DFFB: variants seen among roughly 807,000 people sequenced by gnomAD.
DFFB encodes DNA fragmentation factor subunit beta.
Under a neutral mutation model 32.7 loss-of-function variants are expected in DFFB, and 29 were observed. The ratio of observed to expected loss-of-function variants is 0.89; its 90% CI spans 0.66 to 1.21. DFFB has a LOEUF of 1.21. Among genes scored for constraint, DFFB ranks in the 50% most tolerant of loss-of-function variants. DFFB has a pLI of 0.00. For synonymous variants in DFFB, 170 were observed against 177.1 expected, an observed-to-expected ratio of 0.96 and a Z score of 0.32; for missense variants, 398 against 440.6, an observed-to-expected ratio of 0.90 and a Z score of 0.87.
intron 5 of DFFB, among the ~76,000 whole-genome samples, chr1:3,872,071 GGTGGGGCTGCAC>G (rs1014944668): frequency 1.3e-5 from 2 of 152,190 alleles, no homozygotes; most frequent in Non-Finnish European, 2.9e-5. Flanking sequence ...ATGAGCTCTG[GGTGGGGCTGCAC>G]GTCCAAAGCA....
chr1:3,879,614 C>A (rs1398081093), intron 6 of DFFB, among the ~76,000 whole-genome samples: 1 of 152,176 alleles, frequency 6.6e-6, no homozygotes, highest in African/African-American at 2.4e-5. Context: ...CCCTTACTAG[C>A]ACCCGGCGTG....
Position 3,869,654 on chromosome 1 carries a change from T to G in DFFB, c.560T>G (p.Leu187Arg). 1 of 1,613,548 alleles carries G rather than the reference T, an allele frequency of 6.2e-7. No individual in the cohort carries two copies. The change falls in exon 5 of 7, where the codon CTG becomes CGG. Residue 187 changes from leucine (L) to arginine (R), a missense_variant. Physicochemically the swap from Leu to Arg is moderately radical, Grantham distance 102 (BLOSUM62 -2). Coordinates refer to ENST00000378209, the MANE Select transcript of DFFB (RefSeq NM_004402.4). Reference sequence around the variant, plus strand: ...GGTGCGGAGGCTCAGGAGGAATTCCTGCGGGTCCTCGGCTCCATGTGCCAG... The same window carrying G: ...GGTGCGGAGGCTCAGGAGGAATTCCGGCGGGTCCTCGGCTCCATGTGCCAG... Reference protein sequence around the residue: ...TVGAEAQEEFLRVLGSMCQRL... With the variant: ...TVGAEAQEEFRRVLGSMCQRL...
rs1186108878 is a variant in DFFB at position 3,883,583 on chromosome 1, G to T, written c.859G>T (p.Glu287Ter). 5 of 1,614,174 alleles carry T rather than the reference G, an allele frequency of 3.1e-6. No individual in the cohort carries two copies. The highest frequency in any genetic ancestry group is 3.3e-5 in the Admixed American group (2 of 60,008). Residue 287 changes from glutamate to a stop codon, truncating the protein, a stop_gained, in exon 7 of 7, where the codon GAG becomes TAG. Coordinates refer to ENST00000378209, the MANE Select transcript of DFFB (RefSeq NM_004402.4). LOFTEE classifies it low-confidence loss of function (END_TRUNC). ...ACAAGATGGAAGAGAAGTGGACTGG[G>T]AGTATTTTTATGGCCTGCTTTTTAC... ...KEQDGREVDW[E>*]YFYGLLFTSE...
intron 6 of DFFB, among the ~76,000 whole-genome samples, chr1:3,878,869 C>T (rs1431307341): frequency 6.6e-6 from 1 of 152,172 alleles, no homozygotes; most frequent in Non-Finnish European, 1.5e-5. Flanking sequence ...TCTCTGGGTT[C>T]AATTTCTGAT....
intron 5 of DFFB, among the ~76,000 whole-genome samples, chr1:3,870,813 C>T (rs1328976442): frequency 1.3e-5 from 2 of 151,442 alleles, no homozygotes; most frequent in East Asian, 2.0e-4. Context: ...CCAGGTGCTC[C>T]GGGCATGGCA....
intron 6 of DFFB, chr1:3,872,911 G>A (rs549277339): frequency 6.6e-6 from 8 of 1,213,316 alleles, no homozygotes; most frequent in South Asian, 3.2e-5. Context: ...GGCTGTCAGA[G>A]GTTCTGAACC....
chr1:3,858,982 G>A, intron 2 of DFFB, 138 bp downstream of exon 2: 1 of 1,324,980 alleles, frequency 7.5e-7, no homozygotes, highest in Non-Finnish European at 1.0e-6. Context: ...GAAGCCCTCT[G>A]GAGGCAGAAC....
Position 3,869,665 on chromosome 1 carries a change from G to T in DFFB, c.571G>T (p.Gly191Cys), listed in dbSNP as rs765197233. 8.1e-6 allele frequency: 13 copies of T among 1,613,542 alleles called. No individual in the cohort carries two copies. Among genetic ancestry groups the T allele is most frequent in the Non-Finnish European group, 1.1e-5 (13 of 1,179,856 alleles). Residue 191 changes from glycine to cysteine, a missense_variant, in exon 5 of 7, where the codon GGC becomes TGC. Coordinates refer to ENST00000378209, the MANE Select transcript of DFFB (RefSeq NM_004402.4). ...TCAGGAGGAATTCCTGCGGGTCCTC[G>T]GCTCCATGTGCCAGAGGCTCCGGTC... The part of the protein sequence containing the change: ...EAQEEFLRVL[G>C]SMCQRLRSMQ...
Position 3,857,732 on chromosome 1 carries a change from AGGCGGGGAC to A in DFFB, c.114+19_114+27del. 1 of 1,478,668 alleles carries A rather than the reference AGGCGGGGAC, an allele frequency of 6.8e-7. No homozygotes were observed. Among genetic ancestry groups the A allele is most frequent in the Non-Finnish European group, 9.0e-7 (1 of 1,109,340 alleles). The allele number at this position is 1,478,668 out of a possible 1,614,324, so 91.6% of individuals were successfully genotyped here. A position where few individuals can be genotyped will look rare whatever the true frequency, so the allele number is the denominator to read the frequency against. On this transcript the variant is annotated intron_variant, in intron 1 of 6. Transcript: ENST00000378209. Reference sequence around the variant, plus strand: ...TCCGCTTCCAGGTGCCCGCTGGGCTAGGCGGGGACGGCCCGTCGGGGAGGCGTGTGGGGA... The same window carrying A: ...TCCGCTTCCAGGTGCCCGCTGGGCTAGGCCCGTCGGGGAGGCGTGTGGGGA...
Position 3,865,864 on chromosome 1 carries a change from G to A in DFFB, c.294G>A (p.Gly98=). 1.2e-6 allele frequency: 2 copies of A among 1,614,148 alleles called. No homozygotes were observed. Among genetic ancestry groups the A allele is most frequent in the Non-Finnish European group, 1.7e-6 (2 of 1,180,004 alleles). The change falls in exon 3 of 7, where the codon GGG becomes GGA. Residue 98 remains glycine, a synonymous_variant. Transcript: ENST00000378209. The surrounding 1 kb of genome is among the most constrained non-coding windows in gnomAD (Gnocchi z 4.7). ...GTGCATTTCACGAGCCACAGGTGGG[G>A]CTCATCCAGGCCGCCCAGCAGCTGC... ...FLSAFHEPQV[G]LIQAAQQLLC... is the part of the protein sequence containing the mutation.
chr1:3,881,718 A>G (rs1645341707), intron 6 of DFFB, among the ~76,000 whole-genome samples: 1 of 152,010 alleles, frequency 6.6e-6, no homozygotes, highest in African/African-American at 2.4e-5. Context: ...ACAAATACAA[A>G]AATTAGCTGG....
intron 6 of DFFB, among the ~76,000 whole-genome samples, chr1:3,877,903 C>A (rs1025485167): frequency 6.6e-6 from 1 of 152,090 alleles, no homozygotes; most frequent in African/African-American, 2.4e-5. Context: ...GCGTTTCCAC[C>A]CCTTTCCTTT....
intron 4 of DFFB, among the ~76,000 whole-genome samples, chr1:3,869,177 A>G (rs1645059643): frequency 6.6e-6 from 1 of 152,208 alleles, no homozygotes. Flanking sequence ...CTCCTGCCTC[A>G]GCCTCCCAAG....
At chr1:3,857,799 C>T (rs1245541252) in intron 1 of DFFB, 82 bp downstream of exon 1, 1 of 1,087,086 alleles carries the variant, frequency 9.2e-7, no homozygotes, top group Non-Finnish European at 1.2e-6. Context: ...TCTTCCAAAA[C>T]GGAGGGTGCA....
intron 6 of DFFB, among the ~76,000 whole-genome samples, chr1:3,877,327 A>AT (rs1645243092): frequency 4.5e-5 from 4 of 88,980 alleles, no homozygotes; most frequent in African/African-American, 9.3e-5. Context: ...TTGGGAGTTC[A>AT]GTTTTTTTTT....
At chr1:3,866,044 C>A in intron 3 of DFFB, 44 bp downstream of exon 3, 2 of 1,462,506 alleles carry the variant, frequency 1.4e-6, no homozygotes, top group Non-Finnish European at 1.8e-6. Context: ...TTCTTTGGAG[C>A]CTGAGGTGCC....
At chr1:3,870,815 G>A (rs78236349) in intron 5 of DFFB, among the ~76,000 whole-genome samples, 2,976 of 151,892 alleles carry the variant, frequency 0.02, 42 homozygotes, top group Admixed American at 0.031. Flanking sequence ...AGGTGCTCCG[G>A]GCATGGCAGT....
intron 5 of DFFB, 117 bp downstream of exon 5, chr1:3,869,892 A>C: frequency 9.0e-7 from 1 of 1,114,362 alleles, no homozygotes; most frequent in South Asian, 1.7e-5. Context: ...AGCCTTGTGA[A>C]GAGGTACAGC....
chr1:3,859,934 G>T (rs1333519024), intron 2 of DFFB, among the ~76,000 whole-genome samples: 1 of 151,936 alleles, frequency 6.6e-6, no homozygotes. Context: ...CCTGCATCTC[G>T]CAGTCTCTGT....
Sources: gnomAD v4.1 joint callset for allele counts (sites outside exome capture counted in the v4.1 genomes callset) on GRCh38, gnomAD v4.1.1 for gene constraint, Gnocchi (gnomAD v3.1) non-coding constraint, MANE v1.5 for transcripts, NCBI Gene and HGNC (gene_info 2026-07-23, HGNC 2026-07-21) for gene names.